XKR8: variants seen among roughly 807,000 people sequenced by gnomAD.
The protein encoded by XKR8 is XK-related protein 8.
Under a neutral mutation model 17.1 loss-of-function variants are expected in XKR8, and 10 were observed. That is an observed-to-expected ratio of 0.59 (90% CI 0.36 to 0.99). The LOEUF is 0.99. Ranked by LOEUF, XKR8 falls within the 50% of genes least tolerant of loss-of-function variation. The pLI, the probability that XKR8 is intolerant of heterozygous loss-of-function variation, is 0.01. For synonymous variants in XKR8, 213 were observed against 251.9 expected (o/e 0.85, Z 1.46); for missense variants, 411 against 515.6 (o/e 0.80, Z 1.96).
rs569435642 is a variant in XKR8 at position 27,960,678 on chromosome 1, T to C, written c.293+316T>C. Among the ~76,000 whole-genome samples, 28 of 152,336 alleles carry C rather than the reference T, an allele frequency of 1.8e-4. No individual in the cohort carries two copies. The highest frequency in any genetic ancestry group is 5.8e-4 in the African/African-American group (24 of 41,586). On this transcript the variant is annotated intron_variant, in intron 1 of 2. Transcript: ENST00000373884. The surrounding 1 kb of genome is among the most constrained non-coding windows in gnomAD (Gnocchi z 5.9). ...GCTTTGCCCCCTCTCGCCTCACTTC[T>C]GCATTTCTCTGAGCCTCAGTTTCCT...
In XKR8 at chr1:27,963,705, C is replaced by T; in HGVS notation, c.490+12C>T. The T allele has an allele frequency of 1.3e-6, 2 of 1,529,652 alleles. No individual in the cohort carries two copies. Among genetic ancestry groups the T allele is most frequent in the Non-Finnish European group, 1.8e-6 (2 of 1,133,982 alleles). 94.8% of individuals were successfully genotyped at this position (1,529,652 alleles called of 1,614,324 possible). A position where few individuals can be genotyped will look rare whatever the true frequency, so the allele number is the denominator to read the frequency against. On this transcript the variant is annotated intron_variant, in intron 2 of 2. Transcript: ENST00000373884. ...TGAGTACTACCAGTGTGAGTGAAGG[C>T]CTGTGGCTGGCCCCCCTGTCGTGGC...
chr1:27,961,347 G>A (rs1638467070), intron 1 of XKR8, among the ~76,000 whole-genome samples: 1 of 152,228 alleles, frequency 6.6e-6, no homozygotes, highest in African/African-American at 2.4e-5. Context: ...GGGTTGGGAT[G>A]GGGTGGCCAG....
At position 27,960,046 on chromosome 1, in the gene XKR8, G is replaced by C. The variant is rs1197172089; in HGVS notation, c.-24G>C. On this transcript the variant is annotated 5_prime_UTR_variant, in exon 1 of 3. Coordinates refer to ENST00000373884, the MANE Select transcript of XKR8 (RefSeq NM_018053.4). The surrounding 1 kb of genome is among the most constrained non-coding windows in gnomAD (Gnocchi z 5.9). ...GGCAGGCCCCAACCGCGGAGGAGCAGGAGAGGGCGGAGGCCGGCGGGCCAT... is the reference window on the plus strand; with the variant it reads ...GGCAGGCCCCAACCGCGGAGGAGCACGAGAGGGCGGAGGCCGGCGGGCCAT... The C allele has an allele frequency of 2.8e-6, 4 of 1,407,784 alleles. No individual in the cohort carries two copies. Among genetic ancestry groups the C allele is most frequent in the Middle Eastern group, 2.6e-4 (1 of 3,886 alleles). 87.2% of individuals were successfully genotyped at this position (1,407,784 alleles called of 1,614,324 possible).
rs1284396526 is a variant in XKR8 at position 27,965,790 on chromosome 1, CA to C, written c.491-712del. Among the ~76,000 whole-genome samples the C allele has an allele frequency of 6.6e-6, 1 of 152,154 alleles. No homozygotes were observed. The highest frequency in any genetic ancestry group is 2.4e-5 in the African/African-American group (1 of 41,434). ...GTCGAATGACTGCGGTGGACGGGGACAGGGGAGGAAGCAGTCGGGAGACGTG... is the reference window on the plus strand; with the variant it reads ...GTCGAATGACTGCGGTGGACGGGGACGGGGAGGAAGCAGTCGGGAGACGTG... On this transcript the variant is annotated intron_variant, in intron 2 of 2. Coordinates refer to ENST00000373884, the MANE Select transcript of XKR8 (RefSeq NM_018053.4). The surrounding 1 kb of genome is among the most constrained non-coding windows in gnomAD (Gnocchi z 4.1).
chr1:27,966,841 G>C lies in XKR8; in HGVS notation c.829G>C (p.Ala277Pro). ...TILYFSWFNVAEGRTRGRAII... is the reference protein window; with the variant it reads ...TILYFSWFNVPEGRTRGRAII... ...CCTCTATTTCTCCTGGTTCAACGTG[G>C]CTGAGGGCCGCACCCGAGGCCGGGC... Residue 277 changes from alanine to proline, a missense_variant, in exon 3 of 3, where the codon GCT (alanine) becomes CCT (proline). By Grantham distance (27) the Ala-to-Pro change is conservative. Transcript: ENST00000373884. The surrounding 1 kb of genome is among the most constrained non-coding windows in gnomAD (Gnocchi z 4.3). 6.2e-7 allele frequency: 1 copy of C among 1,614,026 alleles called. No individual in the cohort carries two copies. The highest frequency in any genetic ancestry group is 1.1e-5 in the South Asian group (1 of 91,070).
Position 27,966,910 on chromosome 1 carries a change from G to A in XKR8, c.898G>A (p.Val300Met). Reference protein sequence around the residue: ...AFLLSDSILLVATWVTHSSWL... With the variant: ...AFLLSDSILLMATWVTHSSWL... ...CCTCCTGAGTGACAGCATTCTCCTG[G>A]TGGCCACCTGGGTGACTCATAGCTC... The change falls in exon 3 of 3, where the codon GTG becomes ATG. Residue 300 changes from valine to methionine, a missense_variant. By Grantham distance (21) the Val-to-Met change is conservative (BLOSUM62 1). Coordinates refer to ENST00000373884, the MANE Select transcript of XKR8 (RefSeq NM_018053.4). This position sits in a 1 kb window ranked among gnomAD's most constrained non-coding sequence, Gnocchi z 4.3. 4 of 1,614,196 alleles carry A rather than the reference G, an allele frequency of 2.5e-6. No individual in the cohort carries two copies. Among genetic ancestry groups the A allele is most frequent in the Non-Finnish European group, 3.4e-6 (4 of 1,180,040 alleles).
Position 27,966,804 on chromosome 1 carries a change from G to A in XKR8, c.792G>A (p.Thr264=), listed in dbSNP as rs745918174. The A allele has an allele frequency of 1.9e-5, 31 of 1,613,586 alleles. No individual in the cohort carries two copies. Among genetic ancestry groups the A allele is most frequent in the Non-Finnish European group, 2.5e-5 (30 of 1,179,906 alleles). Residue 264 remains threonine (T), a synonymous_variant, in exon 3 of 3, where the codon ACG becomes ACA. Coordinates refer to ENST00000373884, the MANE Select transcript of XKR8 (RefSeq NM_018053.4). The surrounding 1 kb of genome is among the most constrained non-coding windows in gnomAD (Gnocchi z 4.3). The part of the protein sequence containing the change: ...DPSSEWLYRV[T]VATILYFSWF... The stretch of plus-strand genomic sequence containing the variant: ...GCTCCGAGTGGCTGTACCGGGTGAC[G>A]GTGGCCACCATCCTCTATTTCTCCT...
Position 27,963,587 on chromosome 1 carries a change from G to A in XKR8, c.384G>A (p.Leu128=). 1 of 1,614,202 alleles carries A rather than the reference G, an allele frequency of 6.2e-7. No individual in the cohort carries two copies. The highest frequency in any genetic ancestry group is 8.5e-7 in the Non-Finnish European group (1 of 1,180,034). The change falls in exon 2 of 3, where the codon CTG becomes CTA. Residue 128 remains leucine, a synonymous_variant. Transcript: ENST00000373884. The part of the protein sequence containing the change: ...FDLAYADFLA[L]DISMLRLFET... ...TGGCCTACGCCGACTTCCTCGCCCT[G>A]GACATCAGCATGCTGCGGCTCTTCG...
rs1224766569 is a variant in XKR8 at position 27,960,068 on chromosome 1, C to T, written c.-2C>T. 1.4e-6 allele frequency: 2 copies of T among 1,447,426 alleles called. No individual in the cohort carries two copies. The highest frequency in any genetic ancestry group is 1.5e-5 in the African/African-American group (1 of 67,438). 89.7% of individuals were successfully genotyped at this position (1,447,426 alleles called of 1,614,324 possible). On this transcript the variant is annotated 5_prime_UTR_variant, in exon 1 of 3. Transcript: ENST00000373884. This position sits in a 1 kb window ranked among gnomAD's most constrained non-coding sequence, Gnocchi z 5.9. ...GCAGGAGAGGGCGGAGGCCGGCGGG[C>T]CATGCCCTGGTCGTCCCGCGGCGCC...
rs1490078262 is a variant in XKR8, at chr1:27,960,692, C to G, written c.293+330C>G. On this transcript the variant is annotated intron_variant, in intron 1 of 2. Coordinates refer to ENST00000373884, the MANE Select transcript of XKR8 (RefSeq NM_018053.4). The surrounding 1 kb of genome is among the most constrained non-coding windows in gnomAD (Gnocchi z 5.9). ...CGCCTCACTTCTGCATTTCTCTGAGCCTCAGTTTCCTCCTGCGTAGAAAGG... is the reference window on the plus strand; with the variant it reads ...CGCCTCACTTCTGCATTTCTCTGAGGCTCAGTTTCCTCCTGCGTAGAAAGG... 1.3e-5 allele frequency among the ~76,000 whole-genome samples: 2 copies of G among 152,210 alleles called. No individual in the cohort carries two copies. Among genetic ancestry groups the G allele is most frequent in the Non-Finnish European group, 2.9e-5 (2 of 68,032 alleles).
chr1:27,960,317 G>A lies in XKR8; in HGVS notation c.248G>A (p.Arg83His). ...CTGCACGGGTCGCAGCCCCCGCGCC[G>A]CTGCCTGGCGCTGCTGCATCTCCTG... ...AGLHGSQPPR[R>H]CLALLHLLQL... is the part of the protein sequence containing the mutation. Residue 83 changes from arginine (R) to histidine (H), a missense_variant, in exon 1 of 3, where the codon CGC (arginine) becomes CAC (histidine). Coordinates refer to ENST00000373884, the MANE Select transcript of XKR8 (RefSeq NM_018053.4). The surrounding 1 kb of genome is among the most constrained non-coding windows in gnomAD (Gnocchi z 5.9). The A allele has an allele frequency of 7.0e-7, 1 of 1,424,062 alleles. No homozygotes were observed. The highest frequency in any genetic ancestry group is 1.5e-5 in the African/African-American group (1 of 66,804). The allele number at this position is 1,424,062 out of a possible 1,614,324, so 88.2% of individuals were successfully genotyped here. A position where few individuals can be genotyped will look rare whatever the true frequency, so the allele number is the denominator to read the frequency against.
Position 27,963,665 on chromosome 1 carries a change from G to A in XKR8, c.462G>A (p.Leu154=), listed in dbSNP as rs772382857. 2.5e-6 allele frequency: 4 copies of A among 1,596,694 alleles called. No individual in the cohort carries two copies. The East Asian group carries it at 9.1e-5, about 36-fold the overall frequency. Residue 154 remains leucine, a synonymous_variant, in exon 2 of 3, where the codon CTG becomes CTA. Coordinates refer to ENST00000373884, the MANE Select transcript of XKR8 (RefSeq NM_018053.4). ...TCACGCTGGTGCTGGCCATCATGCT[G>A]CAGAGTGGCCGGGCTGAGTACTACC... ...PQLTLVLAIM[L]QSGRAEYYQW...
In XKR8 at chr1:27,966,553, T is replaced by C. The variant is rs374468513; in HGVS notation, c.541T>C (p.Tyr181His). 3 of 1,613,874 alleles carry C rather than the reference T, an allele frequency of 1.9e-6. No homozygotes were observed. The African/African-American group carries it at 4.0e-5, about 22-fold the overall frequency. The part of the protein sequence containing the change: ...FLGISWALLD[Y>H]HRALRTCLPS... ...GGGCATCTCGTGGGCACTGCTCGAC[T>C]ACCACCGGGCCTTGCGCACCTGCCT... The change falls in exon 3 of 3, where the codon TAC becomes CAC. Residue 181 changes from tyrosine (Y) to histidine (H), a missense_variant. Tyr to His is a moderately conservative substitution (Grantham distance 83). Coordinates refer to ENST00000373884, the MANE Select transcript of XKR8 (RefSeq NM_018053.4). This position sits in a 1 kb window ranked among gnomAD's most constrained non-coding sequence, Gnocchi z 4.3.
rs529928864 is a variant in XKR8 at position 27,960,500 on chromosome 1, A to T, written c.293+138A>T. On this transcript the variant is annotated intron_variant, in intron 1 of 2. Transcript: ENST00000373884. The surrounding 1 kb of genome is among the most constrained non-coding windows in gnomAD (Gnocchi z 5.9). ...CAAGTCCTGTGGGCGCCTGGCCTAC[A>T]GGTGAGCGTGCAGCCCTTTACGGAA... 2.3e-6 allele frequency: 2 copies of T among 865,440 alleles called. No homozygotes were observed. Among genetic ancestry groups the T allele is most frequent in the African/African-American group, 3.6e-5 (2 of 56,296 alleles). 53.6% of individuals were successfully genotyped at this position (865,440 alleles called of 1,614,324 possible).
At position 27,960,778 on chromosome 1, in the gene XKR8, T is replaced by C. The variant is rs1243013930; in HGVS notation, c.293+416T>C. On this transcript the variant is annotated intron_variant, in intron 1 of 2. Coordinates refer to ENST00000373884, the MANE Select transcript of XKR8 (RefSeq NM_018053.4). The surrounding 1 kb of genome is among the most constrained non-coding windows in gnomAD (Gnocchi z 5.9). The stretch of plus-strand genomic sequence containing the variant: ...CTGTTGTGAAGAGTGAGCGAAAGAA[T>C]GAGAAAGTGCCTCGCACAGTGCCTG... Among the ~76,000 whole-genome samples, 1 of 152,048 alleles carries C rather than the reference T, an allele frequency of 6.6e-6. No homozygotes were observed. The highest frequency in any genetic ancestry group is 1.5e-5 in the Non-Finnish European group (1 of 67,986).
chr1:27,960,055 G>T lies in XKR8; in HGVS notation c.-15G>T, dbSNP rs1405550433. 7.0e-7 allele frequency: 1 copy of T among 1,418,808 alleles called. No individual in the cohort carries two copies. The highest frequency in any genetic ancestry group is 2.9e-5 in the Admixed American group (1 of 34,938). 87.9% of individuals were successfully genotyped at this position (1,418,808 alleles called of 1,614,324 possible). On this transcript the variant is annotated 5_prime_UTR_variant, in exon 1 of 3. Transcript: ENST00000373884. This position sits in a 1 kb window ranked among gnomAD's most constrained non-coding sequence, Gnocchi z 5.9. Reference sequence around the variant, plus strand: ...CAACCGCGGAGGAGCAGGAGAGGGCGGAGGCCGGCGGGCCATGCCCTGGTC... The same window carrying T: ...CAACCGCGGAGGAGCAGGAGAGGGCTGAGGCCGGCGGGCCATGCCCTGGTC...
In XKR8 at chr1:27,963,402, GGTTGGAGCCTGT is replaced by G. The variant is rs928536907; in HGVS notation, c.294-92_294-81del. On this transcript the variant is annotated intron_variant, in intron 1 of 2. Coordinates refer to ENST00000373884, the MANE Select transcript of XKR8 (RefSeq NM_018053.4). The stretch of plus-strand genomic sequence containing the variant: ...CCCATAGCATGGATGTGAGGAGACA[GGTTGGAGCCTGT>G]GTCCACTCATTAGATGGGTGGGAGG... 7.4e-5 allele frequency: 107 copies of G among 1,437,372 alleles called. No homozygotes were observed. In the Middle Eastern group the frequency reaches 2.0e-3, roughly 27 times the overall value. The allele number at this position is 1,437,372 out of a possible 1,614,324, so 89.0% of individuals were successfully genotyped here.
In XKR8 at chr1:27,967,468, G is replaced by A; in HGVS notation, c.*268G>A. 3.4e-6 allele frequency: 1 copy of A among 296,950 alleles called. No homozygotes were observed. The highest frequency in any genetic ancestry group is 6.3e-6 in the Non-Finnish European group (1 of 159,938). The allele number at this position is 296,950 out of a possible 1,614,324, so 18.4% of individuals were successfully genotyped here. A position where few individuals can be genotyped will look rare whatever the true frequency, so the allele number is the denominator to read the frequency against. On this transcript the variant is annotated 3_prime_UTR_variant, in exon 3 of 3. Coordinates refer to ENST00000373884, the MANE Select transcript of XKR8 (RefSeq NM_018053.4). This position sits in a 1 kb window ranked among gnomAD's most constrained non-coding sequence, Gnocchi z 4.3. ...CAATTATGTACAAGACACTTTGGGA[G>A]GAAAGAAGACTACCTTTTCCCCCTG...
chr1:27,963,048 G>A (rs773719960), intron 1 of XKR8, among the ~76,000 whole-genome samples: 2 of 151,946 alleles, frequency 1.3e-5, no homozygotes, highest in African/African-American at 2.4e-5. Context: ...TTTTTGAGAC[G>A]GAGTCTTGTT....
Sources: allele counts gnomAD v4.1 joint callset (sites outside exome capture counted in the v4.1 genomes callset), GRCh38; gene constraint gnomAD v4.1.1; non-coding constraint Gnocchi (gnomAD v3.1); transcripts MANE v1.5; gene names NCBI Gene and HGNC (gene_info 2026-07-23, HGNC 2026-07-21).